LRRC17: variants seen among roughly 807,000 people sequenced by gnomAD.
The protein encoded by LRRC17 is leucine-rich repeat-containing protein 17.
In LRRC17, 33 loss-of-function variants were observed where a neutral mutation model predicts 41.5. The observed-to-expected ratio is 0.80, with a 90% CI of 0.60 to 1.06. The LOEUF is 1.06. LRRC17 is among the 50% of genes least tolerant of loss of function. The probability of loss-of-function intolerance (pLI) is 0.00; values close to 1 mark genes in which losing one functional copy is unlikely to be tolerated. For synonymous variants in LRRC17, 192 were observed against 197.0 expected (o/e 0.97, Z 0.21); for missense variants, 491 against 519.3 (o/e 0.95, Z 0.53).
chr7:102,934,119 A>T lies in LRRC17; in HGVS notation c.206A>T (p.Glu69Val), dbSNP rs768083168. The change falls in exon 2 of 4, where the codon GAA becomes GTA. Residue 69 changes from glutamate to valine, a missense_variant. By Grantham distance (121) the Glu-to-Val change is moderately radical. Transcript: ENST00000339431. ...YLHEKYLDCQ[E>V]RKLVYVLPGW... ...CATGAGAAATACTTAGATTGTCAAGAAAGAAAATTAGTTTATGTGCTGCCT... is the reference window on the plus strand; with the variant it reads ...CATGAGAAATACTTAGATTGTCAAGTAAGAAAATTAGTTTATGTGCTGCCT... 6.2e-7 allele frequency: 1 copy of T among 1,613,968 alleles called. No individual in the cohort carries two copies. Among genetic ancestry groups the T allele is most frequent in the Non-Finnish European group, 8.5e-7 (1 of 1,179,934 alleles).
At chr7:102,929,059 T>A (rs1818649435) in intron 1 of LRRC17, among the ~76,000 whole-genome samples, 2 of 152,224 alleles carry the variant, frequency 1.3e-5, no homozygotes, top group African/African-American at 4.8e-5. Flanking sequence ...TGGTTCTTTA[T>A]GTTCTGCTGG....
rs1554454402 is a variant in LRRC17 at position 102,915,123 on chromosome 7, T to TTATC, written c.-141+1979_-141+1980insATCT. ...CATTTGTTAAGTGGAGATTAAAATA[T>TTATC]TTTTTTTTTTTTTTTTTTTACACTG... On this transcript the variant is annotated intron_variant, in intron 1 of 3. Coordinates refer to ENST00000339431, the MANE Select transcript of LRRC17 (RefSeq NM_001031692.3). Among the ~76,000 whole-genome samples, 437 of 75,840 alleles carry TTATC rather than the reference T, an allele frequency of 5.8e-3. 3 individuals are homozygous for TTATC. The highest frequency in any genetic ancestry group is 0.025 in the African/African-American group (430 of 17,016). The allele number at this position is 75,840 out of a possible 152,430, so 49.8% of individuals were successfully genotyped here. A position where few individuals can be genotyped will look rare whatever the true frequency, so the allele number is the denominator to read the frequency against.
chr7:102,913,419 T>C (rs769943727), intron 1 of LRRC17, among the ~76,000 whole-genome samples: 6 of 152,236 alleles, frequency 3.9e-5, no homozygotes, highest in Admixed American at 2.0e-4. Context: ...ATTTAATACC[T>C]TGTAATACAT....
At chr7:102,939,137 G>T (rs187936570) in intron 2 of LRRC17, among the ~76,000 whole-genome samples, 2 of 152,148 alleles carry the variant, frequency 1.3e-5, no homozygotes, top group Non-Finnish European at 2.9e-5. Context: ...CTAGAACCTA[G>T]GAGGTTCTGA....
rs1291321365 is a variant in LRRC17, at chr7:102,933,812, C to T, written c.-102C>T. 7.8e-7 allele frequency: 1 copy of T among 1,281,676 alleles called. No homozygotes were observed. Among genetic ancestry groups the T allele is most frequent in the Non-Finnish European group, 1.1e-6 (1 of 944,478 alleles). 79.4% of individuals were successfully genotyped at this position (1,281,676 alleles called of 1,614,324 possible). Reference sequence around the variant, plus strand: ...CGTACCCCAGCTGGGTCTCATTGTTCCAGAACTGCATTAGTTAAGATTACC... The same window carrying T: ...CGTACCCCAGCTGGGTCTCATTGTTTCAGAACTGCATTAGTTAAGATTACC... On this transcript the variant is annotated 5_prime_UTR_variant, in exon 2 of 4. Coordinates refer to ENST00000339431, the MANE Select transcript of LRRC17 (RefSeq NM_001031692.3).
At chr7:102,940,216 T>A (rs915764715) in intron 3 of LRRC17, among the ~76,000 whole-genome samples, 5 of 140,880 alleles carry the variant, frequency 3.5e-5, no homozygotes, top group Non-Finnish European at 6.1e-5. Flanking sequence ...TTTTTTTGTT[T>A]GTTTTTTTTT....
intron 1 of LRRC17, among the ~76,000 whole-genome samples, chr7:102,926,813 T>C (rs1240062245): frequency 2.0e-5 from 3 of 152,256 alleles, no homozygotes; most frequent in African/African-American, 7.2e-5. Context: ...TAACAGTCCA[T>C]ATTTATACAC....
intron 1 of LRRC17, among the ~76,000 whole-genome samples, chr7:102,917,904 T>C (rs1816218356): frequency 1.3e-5 from 2 of 152,184 alleles, no homozygotes; most frequent in African/African-American, 4.8e-5. Context: ...ACAAATTTCC[T>C]GGAATGGGCA....
chr7:102,935,230 T>C (rs1820060972), intron 2 of LRRC17, among the ~76,000 whole-genome samples: 1 of 141,328 alleles, frequency 7.1e-6, no homozygotes, highest in South Asian at 2.2e-4. Context: ...ATGCTCCTTT[T>C]TTTTTTTCTT....
At chr7:102,924,465 G>A (rs771831929) in intron 1 of LRRC17, among the ~76,000 whole-genome samples, 2 of 152,000 alleles carry the variant, frequency 1.3e-5, no homozygotes, top group Non-Finnish European at 2.9e-5. Flanking sequence ...GTGTGTAAGA[G>A]CATCAGAAGA....
In LRRC17 at chr7:102,913,058, G is replaced by T. The variant is rs11557393; in HGVS notation, c.-228G>T. ...TCTCTGGAGAACTTCCTCACACACCGCAGCAAAGAGAAGACTGAAAGACAA... is the reference window on the plus strand; with the variant it reads ...TCTCTGGAGAACTTCCTCACACACCTCAGCAAAGAGAAGACTGAAAGACAA... On this transcript the variant is annotated 5_prime_UTR_variant, in exon 1 of 4. Transcript: ENST00000339431. 2.5e-6 allele frequency: 4 copies of T among 1,613,568 alleles called. No individual in the cohort carries two copies. The highest frequency in any genetic ancestry group is 3.4e-6 in the Non-Finnish European group (4 of 1,179,814).
chr7:102,914,995 C>T (rs1471195167), intron 1 of LRRC17, among the ~76,000 whole-genome samples: 1 of 152,104 alleles, frequency 6.6e-6, no homozygotes, highest in East Asian at 1.9e-4. Context: ...GGCCGCGTGA[C>T]ACAGTGCAAA....
chr7:102,931,957 A>G (rs1819259375), intron 1 of LRRC17: 1 of 1,608,406 alleles, frequency 6.2e-7, no homozygotes, highest in South Asian at 1.1e-5. Context: ...GTTACACGTC[A>G]CTAAACTACA....
At chr7:102,926,661 C>A (rs1818198227) in intron 1 of LRRC17, among the ~76,000 whole-genome samples, 1 of 152,170 alleles carries the variant, frequency 6.6e-6, no homozygotes, top group Non-Finnish European at 1.5e-5. Flanking sequence ...AACTCTGTCA[C>A]ACGAAATTTG....
At chr7:102,923,549 G>A (rs753651055) in intron 1 of LRRC17, among the ~76,000 whole-genome samples, 3 of 152,180 alleles carry the variant, frequency 2.0e-5, no homozygotes, top group Admixed American at 6.5e-5. Context: ...AAGGCCGGGC[G>A]CGGTGGCTCA....
rs76313960 is a variant in LRRC17 at position 102,922,534 on chromosome 7, T to C, written c.-141+9389T>C. 4.0e-3 allele frequency among the ~76,000 whole-genome samples: 610 copies of C among 152,304 alleles called. 6 individuals are homozygous for C. Among genetic ancestry groups the C allele is most frequent in the African/African-American group, 0.013 (561 of 41,576 alleles). On this transcript the variant is annotated intron_variant, in intron 1 of 3. Coordinates refer to ENST00000339431, the MANE Select transcript of LRRC17 (RefSeq NM_001031692.3). ...TTTACTATTTTGCGGATATAAAGGA[T>C]GTGTAGCACGCAACTTACAAATGAT... is the stretch of plus-strand genomic sequence containing the variant.
At chr7:102,918,594 T>C (rs1234693479) in intron 1 of LRRC17, among the ~76,000 whole-genome samples, 3 of 152,190 alleles carry the variant, frequency 2.0e-5, no homozygotes, top group Non-Finnish European at 4.4e-5. Context: ...AGCAAGAGGA[T>C]TGCCTGAGGC....
chr7:102,925,906 A>G (rs1818026282), intron 1 of LRRC17, among the ~76,000 whole-genome samples: 1 of 148,384 alleles, frequency 6.7e-6, no homozygotes, highest in Admixed American at 6.9e-5. Context: ...ATGCCACTGC[A>G]CTGCAGCCTG....
intron 3 of LRRC17, among the ~76,000 whole-genome samples, chr7:102,940,022 G>C (rs765116505): frequency 8.6e-5 from 13 of 151,688 alleles, no homozygotes; most frequent in Admixed American, 4.6e-4. Context: ...AGCCTCCCAA[G>C]CAGCTGGGAT....
Sources: gnomAD v4.1 joint callset for allele counts (sites outside exome capture counted in the v4.1 genomes callset) on GRCh38, gnomAD v4.1.1 for gene constraint, MANE v1.5 for transcripts, NCBI Gene and HGNC (gene_info 2026-07-23, HGNC 2026-07-21) for gene names.